The following BCR variants were observed in gnomAD, a reference collection of about 807,000 sequenced individuals.
The protein encoded by BCR is breakpoint cluster region protein.
In BCR, 58 loss-of-function variants were observed where a neutral mutation model predicts 138.6. The observed-to-expected ratio is 0.42, with a 90% CI of 0.34 to 0.52. The LOEUF (loss-of-function observed/expected upper bound fraction) is 0.52. Among genes scored for constraint, BCR ranks in the 20% least tolerant of loss-of-function variants. The pLI is 0.06. For synonymous variants in BCR, 786 were observed against 730.1 expected, an observed-to-expected ratio of 1.08 and a Z score of -1.23; for missense variants, 1,599 against 1,727.2, an observed-to-expected ratio of 0.93 and a Z score of 1.32.
intron 14 of BCR, among the ~76,000 whole-genome samples, chr22:23,291,754 C>T (rs1334458426): frequency 1.3e-5 from 2 of 152,116 alleles, no homozygotes; most frequent in Non-Finnish European, 2.9e-5. Flanking sequence ...ACCATCCACC[C>T]GCATGGCCAA....
rs1039897486 is a variant in BCR, at chr22:23,211,031, G to T, written c.1279+28792G>T. Among the ~76,000 whole-genome samples the T allele has an allele frequency of 2.0e-5, 3 of 152,054 alleles. No homozygotes were observed. In the South Asian group the frequency reaches 6.2e-4, roughly 32 times the overall value. On this transcript the variant is annotated intron_variant, in intron 1 of 22. Transcript: ENST00000305877. ...CAGATCATTTTCATCACCCCCAAAA[G>T]AAACCCTATACCTATTAGCACTCTC... is the stretch of plus-strand genomic sequence containing the variant.
chr22:23,288,108 C>G lies in BCR; in HGVS notation c.2538C>G (p.Phe846Leu). Reference sequence around the variant, plus strand: ...CTTGCCCACCCTAGAGTTACACGTTCCTGATCTCCTCTGACTATGAGCGTG... The same window carrying G: ...CTTGCCCACCCTAGAGTTACACGTTGCTGATCTCCTCTGACTATGAGCGTG... ...VHSRNGKSYT[F>L]LISSDYERAE... Residue 846 changes from phenylalanine (F) to leucine (L), a missense_variant, in exon 12 of 23, where the codon TTC becomes TTG. This residue lies in a region of BCR where 590 missense variants were observed against 762.4 expected (regional missense o/e 0.77). Coordinates refer to ENST00000305877, the MANE Select transcript of BCR (RefSeq NM_004327.4). The G allele has an allele frequency of 6.2e-7, 1 of 1,613,996 alleles. No homozygotes were observed. The highest frequency in any genetic ancestry group is 8.5e-7 in the Non-Finnish European group (1 of 1,179,950).
rs1224792774 is a variant in BCR at position 23,182,014 on chromosome 22, C to T, written c.1054C>T (p.Arg352Cys). The T allele has an allele frequency of 1.2e-6, 2 of 1,612,968 alleles. No individual in the cohort carries two copies. Among genetic ancestry groups the T allele is most frequent in the Admixed American group, 1.7e-5 (1 of 59,998 alleles). Residue 352 changes from arginine (R) to cysteine (C), a missense_variant, in exon 1 of 23, where the codon CGC becomes TGC. By Grantham distance (180) the Arg-to-Cys change is radical. This residue lies in a region of BCR where 806 missense variants were observed against 635.0 expected (regional missense o/e 1.27). Coordinates refer to ENST00000305877, the MANE Select transcript of BCR (RefSeq NM_004327.4). ...EEDFSSGQSS[R>C]VSPSPTTYRM... ...GGACTTCTCCTCTGGCCAGTCCAGC[C>T]GCGTGTCCCCAAGCCCCACCACCTA...
Position 23,316,537 on chromosome 22 carries a change from T to C in BCR, c.*1015T>C. 2 of 185,632 alleles carry C rather than the reference T, an allele frequency of 1.1e-5. No individual in the cohort carries two copies. Among genetic ancestry groups the C allele is most frequent in the Non-Finnish European group, 2.3e-5 (2 of 86,588 alleles). 11.5% of individuals were successfully genotyped at this position (185,632 alleles called of 1,614,324 possible). On this transcript the variant is annotated 3_prime_UTR_variant, in exon 23 of 23. Transcript: ENST00000305877. Reference sequence around the variant, plus strand: ...ATATTTGTAAGTTTTATACATAGTTTCTAATTTTTTTCCGAACAGATCCAG... The same window carrying C: ...ATATTTGTAAGTTTTATACATAGTTCCTAATTTTTTTCCGAACAGATCCAG...
intron 3 of BCR, 84 bp from the exon 4 acceptor site, chr22:23,261,271 A>C: frequency 7.0e-7 from 1 of 1,424,248 alleles, no homozygotes; most frequent in Non-Finnish European, 9.6e-7. Context: ...ATGTCAGGTA[A>C]CCATGACTGT....
chr22:23,189,796 A>G (rs1214969373), intron 1 of BCR, among the ~76,000 whole-genome samples: 1 of 152,048 alleles, frequency 6.6e-6, no homozygotes, highest in Non-Finnish European at 1.5e-5. Flanking sequence ...CACCGCTCCT[A>G]GCCTAGCCCT....
At chr22:23,191,104 T>A (rs1441014779) in intron 1 of BCR, among the ~76,000 whole-genome samples, 4 of 152,132 alleles carry the variant, frequency 2.6e-5, no homozygotes, top group Non-Finnish European at 4.4e-5. Flanking sequence ...GGCTAATTTT[T>A]AATTTTTGTT....
intron 8 of BCR, among the ~76,000 whole-genome samples, chr22:23,281,948 C>T (rs117283637): frequency 2.2e-4 from 33 of 152,296 alleles, no homozygotes; most frequent in Non-Finnish European, 3.2e-4. Flanking sequence ...GTTTCTTGAC[C>T]GCAGGCAGAG....
intron 8 of BCR, among the ~76,000 whole-genome samples, chr22:23,282,103 G>T (rs2073653292): frequency 6.6e-6 from 1 of 152,236 alleles, no homozygotes; most frequent in Admixed American, 6.5e-5. Context: ...CTCCTCCTTG[G>T]CCGGGAGGCC....
At chr22:23,191,944 TCCCGAATCCTCAGACTGGG>T (rs1351226958) in intron 1 of BCR, among the ~76,000 whole-genome samples, 2 of 152,166 alleles carry the variant, frequency 1.3e-5, no homozygotes, top group Non-Finnish European at 2.9e-5. Flanking sequence ...TTAGAGAACT[TCCCGAATCCTCAGACTGGG>T]GCCTGCTAAT....
At chr22:23,224,566 A>G (rs1189059412) in intron 1 of BCR, among the ~76,000 whole-genome samples, 1 of 152,172 alleles carries the variant, frequency 6.6e-6, no homozygotes, top group African/African-American at 2.4e-5. Flanking sequence ...GGCCTCCTCA[A>G]AGGAGGAAAG....
At chr22:23,201,978 A>G (rs1459754267) in intron 1 of BCR, among the ~76,000 whole-genome samples, 1 of 152,180 alleles carries the variant, frequency 6.6e-6, no homozygotes, top group Non-Finnish European at 1.5e-5. Context: ...TCTTTTTTAT[A>G]TAGTTAAGAT....
At chr22:23,258,737 G>A (rs1314057687) in intron 2 of BCR, among the ~76,000 whole-genome samples, 2 of 152,222 alleles carry the variant, frequency 1.3e-5, no homozygotes, top group East Asian at 3.8e-4. Context: ...GCAAGGCACA[G>A]GATGCCACCC....
In BCR at chr22:23,284,158, G is replaced by A. The variant is rs1031848607; in HGVS notation, c.2237+60G>A. ...CCCCACCCTGACTCTCCAGGTCATG[G>A]AGGGTCTTGTCATGGCGGAGGTCAG... On this transcript the variant is annotated intron_variant, in intron 9 of 22. Transcript: ENST00000305877. 5.1e-5 allele frequency: 82 copies of A among 1,599,778 alleles called. 1 individual carries two copies. In the Admixed American group the frequency reaches 1.3e-3, roughly 26 times the overall value.
At chr22:23,265,527 A>G (rs776875940) in intron 4 of BCR, among the ~76,000 whole-genome samples, 2 of 152,256 alleles carry the variant, frequency 1.3e-5, no homozygotes, top group Non-Finnish European at 2.9e-5. Flanking sequence ...TCAGAAAGCC[A>G]GACTCAGATG....
At chr22:23,298,221 G>A (rs116223544) in intron 16 of BCR, among the ~76,000 whole-genome samples, 147 of 152,268 alleles carry the variant, frequency 9.7e-4, no homozygotes, top group African/African-American at 3.2e-3. Context: ...TGGTGAAACC[G>A]ACCCGACAGG....
At chr22:23,284,934 G>A in intron 9 of BCR, 99 bp from the exon 10 acceptor site, 1 of 1,363,266 alleles carries the variant, frequency 7.3e-7, no homozygotes. Flanking sequence ...GGTAAACCAT[G>A]TATGGCCGAG....
chr22:23,261,616 G>A, intron 4 of BCR, 76 bp downstream of exon 4: 1 of 1,519,136 alleles, frequency 6.6e-7, no homozygotes, highest in Non-Finnish European at 8.9e-7. Context: ...ATTTTTAGTA[G>A]AGACAGGGTT....
chr22:23,225,734 C>G (rs1392453567), intron 1 of BCR, among the ~76,000 whole-genome samples: 1 of 152,234 alleles, frequency 6.6e-6, no homozygotes, highest in Non-Finnish European at 1.5e-5. Flanking sequence ...GGTCCCTGTG[C>G]TTCTCCTGCA....
Sources: allele counts gnomAD v4.1 joint callset (sites outside exome capture counted in the v4.1 genomes callset), GRCh38; gene constraint gnomAD v4.1.1; regional missense constraint gnomAD v4.1.1; transcripts MANE v1.5; gene names NCBI Gene and HGNC (gene_info 2026-07-23, HGNC 2026-07-21).